GLT8D2: variants seen among roughly 807,000 people sequenced by gnomAD.
GLT8D2 encodes glycosyltransferase 8 domain-containing protein 2.
GLT8D2 carries 45 observed loss-of-function variants against 44.5 expected under a neutral mutation model. That is an observed-to-expected ratio of 1.01 (90% CI 0.80 to 1.30). The LOEUF (loss-of-function observed/expected upper bound fraction) is 1.30, where lower values mean the gene tolerates loss of function less well. Ranked by LOEUF, GLT8D2 falls within the 50% of genes most tolerant of loss-of-function variation. The probability of loss-of-function intolerance (pLI) is 0.00; values close to 1 mark genes in which losing one functional copy is unlikely to be tolerated. For synonymous variants in GLT8D2, 156 were observed against 157.2 expected (o/e 0.99, Z 0.06); for missense variants, 400 against 430.4 (o/e 0.93, Z 0.62).
At chr12:104,052,718 C>A (rs1453712907), upstream of GLT8D2, among the ~76,000 whole-genome samples, 1 of 151,996 alleles carries the variant, frequency 6.6e-6, no homozygotes, top group Non-Finnish European at 1.5e-5. Context: ...CATGATGCCC[C>A]TCCTCTTCTC....
At chr12:104,002,407 G>A (rs1419966455) in intron 5 of GLT8D2, among the ~76,000 whole-genome samples, 1 of 151,994 alleles carries the variant, frequency 6.6e-6, no homozygotes, top group Non-Finnish European at 1.5e-5. Flanking sequence ...TATAATACAT[G>A]TTAAAAATAC....
At chr12:104,037,174 G>T (rs533252337) in intron 1 of GLT8D2, among the ~76,000 whole-genome samples, 1 of 152,248 alleles carries the variant, frequency 6.6e-6, no homozygotes, top group South Asian at 2.1e-4. Flanking sequence ...GTGTGTAGAG[G>T]GAAATTTATA....
intron 5 of GLT8D2, among the ~76,000 whole-genome samples, chr12:104,002,075 A>G (rs1874290193): frequency 6.6e-6 from 1 of 152,110 alleles, no homozygotes; most frequent in African/African-American, 2.4e-5. Flanking sequence ...TCCTGGGCTC[A>G]AGGGATCCTC....
At chr12:104,052,298 A>G (rs1320094506), upstream of GLT8D2, among the ~76,000 whole-genome samples, 2 of 152,252 alleles carry the variant, frequency 1.3e-5, no homozygotes, top group Non-Finnish European at 2.9e-5. Context: ...CCATGTATAT[A>G]GAACTTTGAA....
intron 4 of GLT8D2, among the ~76,000 whole-genome samples, chr12:104,010,553 C>T (rs772474799): frequency 5.3e-5 from 8 of 152,150 alleles, no homozygotes; most frequent in Admixed American, 1.3e-4. Context: ...CCTCTTTCTC[C>T]TATTACACTA....
intron 4 of GLT8D2, among the ~76,000 whole-genome samples, chr12:104,008,880 G>T (rs1057154561): frequency 1.3e-5 from 2 of 152,260 alleles, no homozygotes; most frequent in African/African-American, 4.8e-5. Flanking sequence ...CAGCTTCCAC[G>T]TGGTGTTGAG....
chr12:104,045,324 C>T (rs1001083473), intron 1 of GLT8D2, among the ~76,000 whole-genome samples: 1 of 152,190 alleles, frequency 6.6e-6, no homozygotes, highest in Non-Finnish European at 1.5e-5. Context: ...CCTCTGTGAG[C>T]TTTCCTAGCC....
chr12:103,998,609 T>G (rs1481540481), intron 6 of GLT8D2, among the ~76,000 whole-genome samples: 1 of 152,020 alleles, frequency 6.6e-6, no homozygotes, highest in Non-Finnish European at 1.5e-5. Flanking sequence ...GGGGTTTCAC[T>G]ATGTTGGCCA....
chr12:104,053,667 G>A (rs988145000), upstream of GLT8D2, among the ~76,000 whole-genome samples: 16 of 152,260 alleles, frequency 1.1e-4, no homozygotes, highest in African/African-American at 3.4e-4. Flanking sequence ...GGTGGATCAC[G>A]AGGTCAGGAG....
At chr12:103,999,616 T>C in intron 5 of GLT8D2, 102 bp from the exon 6 acceptor site, 3 of 719,180 alleles carry the variant, frequency 4.2e-6, no homozygotes, top group Non-Finnish European at 5.0e-6. Context: ...AAAGTTAAAA[T>C]TAAAATGTGC....
chr12:104,040,103 C>T (rs1294047532), intron 1 of GLT8D2, among the ~76,000 whole-genome samples: 1 of 152,234 alleles, frequency 6.6e-6, no homozygotes, highest in South Asian at 2.1e-4. Flanking sequence ...ACAATAAGAA[C>T]ACTAGGACAT....
At chr12:104,058,406 T>G (rs934215309) in intron 1 of GLT8D2, among the ~76,000 whole-genome samples, 1 of 152,208 alleles carries the variant, frequency 6.6e-6, no homozygotes, top group Non-Finnish European at 1.5e-5. Context: ...ATCCTCATAT[T>G]TGAGTTCTCG....
At chr12:104,027,507 T>C (rs182177463) in intron 1 of GLT8D2, among the ~76,000 whole-genome samples, 86 of 152,334 alleles carry the variant, frequency 5.6e-4, no homozygotes, top group Middle Eastern at 3.4e-3. Flanking sequence ...CCTTAAACTG[T>C]TTTGAAATGA....
chr12:103,993,262 C>T (rs533852921), intron 10 of GLT8D2, 130 bp downstream of exon 10: 2 of 711,352 alleles, frequency 2.8e-6, no homozygotes, highest in Admixed American at 2.1e-5. Context: ...ACCCAGGAAG[C>T]GGAGGTTCCA....
Position 104,003,218 on chromosome 12 carries a change from A to C in GLT8D2, c.201T>G (p.Ala67=), listed in dbSNP as rs532842373. ...AAAGRMGATM[A]AINSIYSNTD... ...TGTTGCTGTAGATGCTATTGATGGC[A>C]GCCATAGTGGCACCCATCCTCCCTG... The change falls in exon 5 of 11, where the codon GCT becomes GCG. Residue 67 remains alanine (A), a synonymous_variant. Coordinates refer to ENST00000360814, the MANE Select transcript of GLT8D2 (RefSeq NM_001384711.1). The C allele has an allele frequency of 1.8e-5, 29 of 1,613,784 alleles. No individual in the cohort carries two copies. The highest frequency in any genetic ancestry group is 2.3e-5 in the Non-Finnish European group (27 of 1,179,770).
At chr12:104,047,305 C>CTTTT (rs35333809) in intron 1 of GLT8D2, among the ~76,000 whole-genome samples, 3 of 130,880 alleles carry the variant, frequency 2.3e-5, no homozygotes, top group South Asian at 2.4e-4. Flanking sequence ...TCTCTTAGGC[C>CTTTT]TTTTTTTTTT....
intron 4 of GLT8D2, chr12:104,012,729 A>G (rs999845893): frequency 4.5e-6 from 3 of 672,232 alleles, no homozygotes; most frequent in Non-Finnish European, 8.1e-6. Context: ...CTTAGCTTCC[A>G]GCATCTCAGG....
Position 104,031,302 on chromosome 12 carries a change from T to C in GLT8D2, c.-163-9811A>G. On this transcript the variant is annotated intron_variant, in intron 1 of 10. Transcript: ENST00000360814. ...TGGAATGAAGAAATAGTTCCCCAGA[T>C]CAAGGAGGGGAAACGTGTACTGATT... 4 of 1,579,372 alleles carry C rather than the reference T, an allele frequency of 2.5e-6. 1 individual carries two copies. The South Asian group carries it at 3.3e-5, about 13-fold the overall frequency.
chr12:104,023,516 T>C (rs1025167329), intron 1 of GLT8D2, among the ~76,000 whole-genome samples: 1 of 152,218 alleles, frequency 6.6e-6, no homozygotes, highest in Non-Finnish European at 1.5e-5. Context: ...GCTTCAAAAT[T>C]TGACAAGCTG....
Sources: gnomAD v4.1 joint callset for allele counts (sites outside exome capture counted in the v4.1 genomes callset) on GRCh38, gnomAD v4.1.1 for gene constraint, MANE v1.5 for transcripts, NCBI Gene and HGNC (gene_info 2026-07-23, HGNC 2026-07-21) for gene names.